Variants in ANKS1B observed in about 807,000 individuals in gnomAD.
ANKS1B encodes the protein ankyrin repeat and sterile alpha motif domain-containing protein 1B.
ANKS1B carries 36 observed loss-of-function variants against 148.3 expected under a neutral mutation model. That is an observed-to-expected ratio of 0.24 (90% CI 0.19 to 0.32). The LOEUF is 0.32. Among genes scored for constraint, ANKS1B ranks in the 10% least tolerant of loss-of-function variants. The pLI is 1.00. For missense variants in ANKS1B, 1,157 were observed against 1,542.6 expected, an observed-to-expected ratio of 0.75 and a Z score of 4.19; for synonymous variants, 542 against 560.8, an observed-to-expected ratio of 0.97 and a Z score of 0.47.
intron 11 of ANKS1B, among the ~76,000 whole-genome samples, chr12:99,401,218 G>A (rs1186399256): frequency 6.8e-6 from 1 of 146,100 alleles, no homozygotes; most frequent in Non-Finnish European, 1.5e-5. Flanking sequence ...TTTAATGTCA[G>A]GCTTGGTTTC....
At chr12:99,646,686 AC>A (rs1412281056) in intron 9 of ANKS1B, among the ~76,000 whole-genome samples, 1 of 149,636 alleles carries the variant, frequency 6.7e-6, no homozygotes, top group African/African-American at 2.5e-5. Context: ...AAAAGACTCA[AC>A]TATGGCTATG....
intron 9 of ANKS1B, among the ~76,000 whole-genome samples, chr12:99,624,636 A>C (rs550333063): frequency 6.6e-6 from 1 of 152,256 alleles, no homozygotes; most frequent in East Asian, 1.9e-4. Context: ...GCCAACAAAC[A>C]TGAAAACAAA....
rs949078482 is a variant in ANKS1B at position 98,895,175 on chromosome 12, C to T, written c.2779-63039G>A. 1,376 of 985,254 alleles carry T rather than the reference C, an allele frequency of 1.4e-3. 1 individual carries two copies. Among genetic ancestry groups the T allele is most frequent in the Non-Finnish European group, 1.6e-3 (1,344 of 829,978 alleles). The allele number at this position is 985,254 out of a possible 1,614,324, so 61.0% of individuals were successfully genotyped here. On this transcript the variant is annotated intron_variant, in intron 17 of 26. Coordinates refer to ENST00000683438, the MANE Select transcript of ANKS1B (RefSeq NM_001352186.2). ...ACTGCGAGAGCGATGCGGGCCCAGG[C>T]GCGGCGCGCGGGGGCTGCAGGGCGC...
intron 9 of ANKS1B, among the ~76,000 whole-genome samples, chr12:99,543,335 G>A (rs925148165): frequency 7.2e-5 from 11 of 152,098 alleles, no homozygotes; most frequent in African/African-American, 2.4e-4. Context: ...AGTTGGCAAG[G>A]ATATGGAAAA....
chr12:98,816,008 C>A (rs983551601), intron 19 of ANKS1B, among the ~76,000 whole-genome samples: 5 of 152,038 alleles, frequency 3.3e-5, no homozygotes, highest in African/African-American at 1.2e-4. Context: ...TCTCTGGTAC[C>A]CACACTGCTC....
At chr12:99,554,473 C>T (rs2097255973) in intron 9 of ANKS1B, among the ~76,000 whole-genome samples, 1 of 152,136 alleles carries the variant, frequency 6.6e-6, no homozygotes, top group Non-Finnish European at 1.5e-5. Flanking sequence ...AAAGGAGAGT[C>T]ATTAGCTAAA....
intron 14 of ANKS1B, among the ~76,000 whole-genome samples, chr12:99,205,015 A>G (rs746555635): frequency 4.6e-5 from 7 of 152,174 alleles, no homozygotes; most frequent in Non-Finnish European, 1.0e-4. Flanking sequence ...TGTTAAAGAT[A>G]ATGTATAGGA....
At chr12:99,095,209 T>A (rs568831661) in intron 15 of ANKS1B, among the ~76,000 whole-genome samples, 26 of 152,352 alleles carry the variant, frequency 1.7e-4, no homozygotes, top group African/African-American at 6.3e-4. Context: ...CCAGCAATTC[T>A]GTTTCTTGGT....
chr12:99,575,441 T>C (rs1290537560), intron 9 of ANKS1B, among the ~76,000 whole-genome samples: 1 of 152,088 alleles, frequency 6.6e-6, no homozygotes, highest in South Asian at 2.1e-4. Context: ...GTTTTCACAC[T>C]GCTAATAAAG....
At chr12:99,338,716 C>T (rs911977668) in intron 12 of ANKS1B, among the ~76,000 whole-genome samples, 5 of 152,152 alleles carry the variant, frequency 3.3e-5, no homozygotes, top group Admixed American at 1.3e-4. Flanking sequence ...ATTCAAGGCC[C>T]ATGGGCTCTT....
intron 9 of ANKS1B, among the ~76,000 whole-genome samples, chr12:99,563,042 C>T (rs1458737683): frequency 6.6e-6 from 1 of 152,212 alleles, no homozygotes; most frequent in Non-Finnish European, 1.5e-5. Flanking sequence ...CTTCACCTTT[C>T]TCAGCCTTCA....
chr12:98,956,613 C>G (rs1278597481), intron 17 of ANKS1B, among the ~76,000 whole-genome samples: 1 of 145,400 alleles, frequency 6.9e-6, no homozygotes, highest in African/African-American at 2.5e-5. Flanking sequence ...TTAACTTATT[C>G]ATTCAATTTT....
intron 11 of ANKS1B, among the ~76,000 whole-genome samples, chr12:99,439,498 T>C (rs1487957626): frequency 6.6e-6 from 1 of 150,912 alleles, no homozygotes; most frequent in South Asian, 2.1e-4. Flanking sequence ...AAAAAAGAGG[T>C]GAGCAGATAC....
At chr12:99,695,435 T>A (rs1054163920) in intron 8 of ANKS1B, among the ~76,000 whole-genome samples, 1 of 152,216 alleles carries the variant, frequency 6.6e-6, no homozygotes, top group African/African-American at 2.4e-5. Context: ...CACAGTCTAA[T>A]GTGCACTGCA....
At chr12:99,301,030 ATC>A (rs1323750791) in intron 12 of ANKS1B, among the ~76,000 whole-genome samples, 8 of 152,130 alleles carry the variant, frequency 5.3e-5, no homozygotes, top group Non-Finnish European at 1.2e-4. Context: ...CTGAGTCCGA[ATC>A]TCTGAGAACC....
intron 17 of ANKS1B, among the ~76,000 whole-genome samples, chr12:99,028,214 T>A (rs2099949903): frequency 6.6e-6 from 1 of 152,228 alleles, no homozygotes; most frequent in Non-Finnish European, 1.5e-5. Flanking sequence ...TGGTTATTGT[T>A]AATTATATCC....
chr12:99,168,307 A>C (rs1350489075), intron 14 of ANKS1B, among the ~76,000 whole-genome samples: 1 of 152,194 alleles, frequency 6.6e-6, no homozygotes, highest in Non-Finnish European at 1.5e-5. Flanking sequence ...GCCTGAGGTC[A>C]AGAGTATGAG....
intron 12 of ANKS1B, among the ~76,000 whole-genome samples, chr12:99,254,824 G>A (rs896121899): frequency 6.6e-6 from 1 of 152,140 alleles, no homozygotes; most frequent in Non-Finnish European, 1.5e-5. Flanking sequence ...ATTCTCTAAT[G>A]TTAAACATTA....
downstream of ANKS1B, among the ~76,000 whole-genome samples, chr12:98,741,645 C>G (rs1032526992): frequency 7.4e-4 from 113 of 152,296 alleles, 1 homozygote; most frequent in African/African-American, 2.6e-3. Context: ...TGCTCAAACC[C>G]ACACCCCAGA....
Sources: allele counts gnomAD v4.1 joint callset (sites outside exome capture counted in the v4.1 genomes callset), GRCh38; gene constraint gnomAD v4.1.1; transcripts MANE v1.5; gene names NCBI Gene and HGNC (gene_info 2026-07-23, HGNC 2026-07-21).